The following PDSS1 variants were observed in gnomAD, a reference collection of about 807,000 sequenced individuals.
PDSS1 encodes all trans-polyprenyl-diphosphate synthase PDSS1.
PDSS1 carries 43 observed loss-of-function variants against 57.5 expected under a neutral mutation model. The ratio of observed to expected loss-of-function variants is 0.75; its 90% CI spans 0.59 to 0.96. PDSS1 has a LOEUF of 0.96. Ranked by LOEUF, PDSS1 falls within the 50% of genes least tolerant of loss-of-function variation. The pLI is 0.00. For missense variants in PDSS1, 438 were observed against 527.8 expected, an observed-to-expected ratio of 0.83 and a Z score of 1.67; for synonymous variants, 175 against 191.3, an observed-to-expected ratio of 0.91 and a Z score of 0.70.
chr10:26,729,552 C>T (rs965334994), intron 8 of PDSS1, among the ~76,000 whole-genome samples: 8 of 152,216 alleles, frequency 5.3e-5, no homozygotes, highest in East Asian at 3.9e-4. Context: ...CTCTTCTCCG[C>T]GGTGTATTTA....
At chr10:26,717,108 G>A (rs909666111) in intron 5 of PDSS1, among the ~76,000 whole-genome samples, 1 of 152,132 alleles carries the variant, frequency 6.6e-6, no homozygotes, top group African/African-American at 2.4e-5. Flanking sequence ...GTAAAACTAT[G>A]GAACATCTGA....
chr10:26,733,585 G>A (rs527419971), intron 8 of PDSS1, among the ~76,000 whole-genome samples: 12 of 152,302 alleles, frequency 7.9e-5, no homozygotes, highest in African/African-American at 2.4e-4. Flanking sequence ...GGCTGAGGAC[G>A]TTAGGCAACC....
At chr10:26,709,216 T>C (rs1416946293) in intron 4 of PDSS1, among the ~76,000 whole-genome samples, 3 of 152,176 alleles carry the variant, frequency 2.0e-5, no homozygotes, top group African/African-American at 4.8e-5. Flanking sequence ...CCACGGAGTG[T>C]TGAATTTCTC....
intron 1 of PDSS1, among the ~76,000 whole-genome samples, chr10:26,699,547 A>G (rs1196861619): frequency 6.6e-6 from 1 of 151,784 alleles, no homozygotes; most frequent in Non-Finnish European, 1.5e-5. Context: ...GGCGTACACC[A>G]CGACCCCCAG....
intron 2 of PDSS1, among the ~76,000 whole-genome samples, chr10:26,704,002 A>AC (rs1228265604): frequency 4.8e-5 from 7 of 146,488 alleles, no homozygotes; most frequent in East Asian, 2.1e-4. Context: ...AATGGCGTGA[A>AC]CCCTGGGGGG....
At chr10:26,720,131 C>T (rs537643758) in intron 5 of PDSS1, 87 bp from the exon 6 acceptor site, 3 of 1,587,554 alleles carry the variant, frequency 1.9e-6, no homozygotes, top group Admixed American at 1.7e-5. Flanking sequence ...ATTCTTTATC[C>T]TAGATCCGAT....
chr10:26,702,120 A>G (rs781645551), intron 1 of PDSS1, 42 bp from the exon 2 acceptor site: 2 of 442,104 alleles, frequency 4.5e-6, no homozygotes, highest in Non-Finnish European at 9.1e-6. Context: ...CTGTACTCCC[A>G]TTGTATCTTG....
chr10:26,728,280 TCA>T (rs1836033410), intron 8 of PDSS1, among the ~76,000 whole-genome samples: 1 of 151,972 alleles, frequency 6.6e-6, no homozygotes. Context: ...TCACCTGAGG[TCA>T]AGAGTTTGAC....
At chr10:26,734,513 G>C (rs991665557) in intron 8 of PDSS1, 1 of 360,902 alleles carries the variant, frequency 2.8e-6, no homozygotes, top group African/African-American at 2.1e-5. Flanking sequence ...TAGCTTTTTG[G>C]AGTTTTAAAA....
intron 11 of PDSS1, among the ~76,000 whole-genome samples, chr10:26,745,883 A>AAGTG (rs1333727629): frequency 6.6e-6 from 1 of 152,066 alleles, no homozygotes; most frequent in African/African-American, 2.4e-5. Flanking sequence ...CTATTGGATA[A>AAGTG]AGTGAGTGCC....
chr10:26,740,675 T>C (rs1470534498), intron 10 of PDSS1: 1 of 456,764 alleles, frequency 2.2e-6, no homozygotes, highest in Admixed American at 2.3e-5. Context: ...TGGCAGCTGC[T>C]GTAAGCACTG....
intron 4 of PDSS1, among the ~76,000 whole-genome samples, chr10:26,705,825 G>A (rs964707369): frequency 6.6e-6 from 1 of 152,172 alleles, no homozygotes; most frequent in East Asian, 1.9e-4. Context: ...AGTTTCAAAT[G>A]TTTCTTGAGA....
chr10:26,733,783 A>G (rs1836294661), intron 8 of PDSS1, among the ~76,000 whole-genome samples: 1 of 152,086 alleles, frequency 6.6e-6, no homozygotes, highest in South Asian at 2.1e-4. Context: ...AGGCCAGCCT[A>G]GACAACATGG....
intron 4 of PDSS1, among the ~76,000 whole-genome samples, chr10:26,707,071 C>G (rs1055397370): frequency 6.6e-6 from 1 of 152,160 alleles, no homozygotes; most frequent in African/African-American, 2.4e-5. Flanking sequence ...GGACTTGCAT[C>G]CCGTCTCCCC....
At chr10:26,723,000 C>T (rs1005832371) in intron 6 of PDSS1, among the ~76,000 whole-genome samples, 5 of 150,552 alleles carry the variant, frequency 3.3e-5, no homozygotes, top group Non-Finnish European at 5.9e-5. Context: ...TTGAAAATAA[C>T]ATGTATCGTG....
chr10:26,698,026 T>G, intron 1 of PDSS1, among the ~76,000 whole-genome samples, 186 bp downstream of exon 1: 1 of 150,652 alleles, frequency 6.6e-6, no homozygotes, highest in African/African-American at 2.4e-5. Context: ...GAGCCGCGCG[T>G]TGGACTGAAG....
intron 11 of PDSS1, among the ~76,000 whole-genome samples, chr10:26,744,539 C>T (rs145259533): frequency 0.065 from 9,960 of 152,072 alleles, 364 homozygotes; most frequent in East Asian, 0.15. Flanking sequence ...TACAGGCACC[C>T]GCCACCACGC....
chr10:26,700,348 A>G (rs1165880917), intron 1 of PDSS1, among the ~76,000 whole-genome samples: 1 of 146,408 alleles, frequency 6.8e-6, no homozygotes, highest in Non-Finnish European at 1.5e-5. Context: ...TCACGCCTGT[A>G]ATCCCAACAG....
At chr10:26,732,156 T>C (rs1402612280) in intron 8 of PDSS1, among the ~76,000 whole-genome samples, 1 of 152,280 alleles carries the variant, frequency 6.6e-6, no homozygotes, top group Non-Finnish European at 1.5e-5. Context: ...ATCCCTCTGA[T>C]GCTGAGCGCA....
Sources: allele counts gnomAD v4.1 joint callset (sites outside exome capture counted in the v4.1 genomes callset), GRCh38; gene constraint gnomAD v4.1.1; transcripts MANE v1.5; gene names NCBI Gene and HGNC (gene_info 2026-07-23, HGNC 2026-07-21).